Variants in PPP6R3 observed in about 807,000 individuals in gnomAD.
PPP6R3 encodes the protein serine/threonine-protein phosphatase 6 regulatory subunit 3.
PPP6R3 carries 38 observed loss-of-function variants against 110.7 expected under a neutral mutation model. The ratio of observed to expected loss-of-function variants is 0.34; its 90% CI spans 0.26 to 0.45. The LOEUF is 0.45. PPP6R3 is among the 20% of genes least tolerant of loss of function. PPP6R3 has a pLI of 1.00. For missense variants in PPP6R3, 870 were observed against 1,062.4 expected (o/e 0.82, Z 2.52); for synonymous variants, 369 against 373.5 (o/e 0.99, Z 0.14).
intron 15 of PPP6R3, among the ~76,000 whole-genome samples, chr11:68,585,809 T>C (rs1162926985): frequency 1.3e-5 from 2 of 152,244 alleles, no homozygotes; most frequent in Non-Finnish European, 2.9e-5. Context: ...TAGATAAATA[T>C]ATATCTGTAT....
chr11:68,608,685 C>T (rs1016459519), intron 22 of PPP6R3, among the ~76,000 whole-genome samples: 9 of 152,174 alleles, frequency 5.9e-5, no homozygotes, highest in Non-Finnish European at 8.8e-5. Context: ...GTGCACGCCA[C>T]GGGTGCTGTG....
intron 17 of PPP6R3, among the ~76,000 whole-genome samples, chr11:68,591,178 A>G (rs1315371336): frequency 6.6e-6 from 1 of 152,086 alleles, no homozygotes; most frequent in Non-Finnish European, 1.5e-5. Context: ...GGAGTAAGGT[A>G]GGAACTGCTG....
chr11:68,580,343 A>G (rs1047682616), intron 14 of PPP6R3, among the ~76,000 whole-genome samples: 1 of 152,186 alleles, frequency 6.6e-6, no homozygotes, highest in Non-Finnish European at 1.5e-5. Context: ...ACCTTGATGT[A>G]TATTTTTAAA....
chr11:68,569,927 ACT>A, intron 11 of PPP6R3, 30 bp downstream of exon 11: 4 of 1,578,606 alleles, frequency 2.5e-6, no homozygotes, highest in African/African-American at 1.3e-5. Context: ...TTTTTCTCCC[ACT>A]CTCTCCTGGT....
At chr11:68,530,461 G>C (rs2099231863) in intron 2 of PPP6R3, among the ~76,000 whole-genome samples, 1 of 152,224 alleles carries the variant, frequency 6.6e-6, no homozygotes, top group African/African-American at 2.4e-5. Flanking sequence ...GGAAGCAGCT[G>C]CTTCTCCTAT....
intron 1 of PPP6R3, among the ~76,000 whole-genome samples, chr11:68,464,038 A>G (rs1038587439): frequency 6.6e-6 from 1 of 152,222 alleles, no homozygotes; most frequent in South Asian, 2.1e-4. Flanking sequence ...TAGATGTGAG[A>G]CTGGCCTACA....
chr11:68,589,040 C>G (rs536747914), intron 16 of PPP6R3, among the ~76,000 whole-genome samples: 1 of 152,030 alleles, frequency 6.6e-6, no homozygotes, highest in East Asian at 1.9e-4. Flanking sequence ...AACCCTGTCT[C>G]TACTAAAAAT....
At chr11:68,578,797 C>T (rs757893314) in intron 14 of PPP6R3, among the ~76,000 whole-genome samples, 9 of 152,186 alleles carry the variant, frequency 5.9e-5, no homozygotes, top group African/African-American at 9.7e-5. Flanking sequence ...TACCCAAATA[C>T]GTGCACAGCA....
Position 68,613,904 on chromosome 11 carries a change from T to A in PPP6R3, c.*787T>A. The A allele has an allele frequency of 1.0e-6, 1 of 983,916 alleles. No individual in the cohort carries two copies. Among genetic ancestry groups the A allele is most frequent in the Non-Finnish European group, 1.2e-6 (1 of 828,322 alleles). 60.9% of individuals were successfully genotyped at this position (983,916 alleles called of 1,614,324 possible). A position where few individuals can be genotyped will look rare whatever the true frequency, so the allele number is the denominator to read the frequency against. ...ATATGGCTTGTGTTTTGGGATTTTT[T>A]TTTTTTTTTTTTGGCTTTTGTTTTT... On this transcript the variant is annotated 3_prime_UTR_variant, in exon 24 of 24. Transcript: ENST00000393800.
At chr11:68,580,577 A>C (rs1411229437) in intron 14 of PPP6R3, among the ~76,000 whole-genome samples, 1 of 152,026 alleles carries the variant, frequency 6.6e-6, no homozygotes, top group Non-Finnish European at 1.5e-5. Flanking sequence ...GGAGGAAACA[A>C]GATGACCGAG....
chr11:68,574,349 A>G (rs779037057), intron 13 of PPP6R3, 125 bp downstream of exon 13: 44 of 667,734 alleles, frequency 6.6e-5, no homozygotes, highest in Non-Finnish European at 1.1e-4. Context: ...TTGGCAAATT[A>G]TGTATTTGAA....
At chr11:68,519,761 C>A (rs1165070485) in intron 2 of PPP6R3, 110 bp downstream of exon 2, 1 of 394,510 alleles carries the variant, frequency 2.5e-6, no homozygotes. Flanking sequence ...AGACCAGTCT[C>A]TCTGAGCTAG....
At chr11:68,512,843 C>G (rs923267937) in intron 1 of PPP6R3, among the ~76,000 whole-genome samples, 3 of 152,284 alleles carry the variant, frequency 2.0e-5, no homozygotes, top group Non-Finnish European at 2.9e-5. Flanking sequence ...TTTGTGCTGG[C>G]ATTGTACAAG....
At chr11:68,471,282 CAAAAAAA>C (rs34619002) in intron 1 of PPP6R3, among the ~76,000 whole-genome samples, 45 of 57,288 alleles carry the variant, frequency 7.9e-4, no homozygotes, top group African/African-American at 1.7e-3. Context: ...GATTCTGTCT[CAAAAAAA>C]AAAAAAAAAA....
intron 1 of PPP6R3, among the ~76,000 whole-genome samples, chr11:68,475,779 C>G (rs1488105210): frequency 7.2e-5 from 11 of 151,958 alleles, no homozygotes; most frequent in Non-Finnish European, 1.6e-4. Context: ...CCTCACTTCT[C>G]AGACGGGGTG....
intron 22 of PPP6R3, chr11:68,609,518 T>C: frequency 7.2e-7 from 1 of 1,381,538 alleles, no homozygotes; most frequent in Non-Finnish European, 1.0e-6. Context: ...TTACGTGCAG[T>C]CGTGGACATA....
At position 68,544,889 on chromosome 11, in the gene PPP6R3, T is replaced by G; in HGVS notation, c.279T>G (p.Asn93Lys). ...TCACTTCTGATGTCTCCCAGATGAA[T>G]GATAGACTGGGAGAAGATGAATCCT... ...ELLTSDVSQM[N>K]DRLGEDESLL... Residue 93 changes from asparagine (N) to lysine (K), a missense_variant, in exon 4 of 24, where the codon AAT becomes AAG. Transcript: ENST00000393800. The G allele has an allele frequency of 6.2e-7, 1 of 1,607,884 alleles. No individual in the cohort carries two copies.
chr11:68,567,931 C>T (rs771743410), intron 10 of PPP6R3, among the ~76,000 whole-genome samples: 41 of 152,046 alleles, frequency 2.7e-4, no homozygotes, highest in Admixed American at 5.2e-4. Context: ...CCAGGACCCT[C>T]GGGTGAACAT....
intron 3 of PPP6R3, among the ~76,000 whole-genome samples, chr11:68,542,649 C>T (rs964730586): frequency 1.3e-5 from 2 of 152,100 alleles, no homozygotes; most frequent in African/African-American, 2.4e-5. Flanking sequence ...CCATCTTGGC[C>T]TCCCAAAGTG....
Sources: gnomAD v4.1 joint callset for allele counts (sites outside exome capture counted in the v4.1 genomes callset) on GRCh38, gnomAD v4.1.1 for gene constraint, MANE v1.5 for transcripts, NCBI Gene and HGNC (gene_info 2026-07-23, HGNC 2026-07-21) for gene names.